SUPT3H: variants seen among roughly 807,000 people sequenced by gnomAD.
SUPT3H encodes transcription initiation protein SPT3 homolog.
SUPT3H carries 44 observed loss-of-function variants against 44.3 expected under a neutral mutation model. The observed-to-expected ratio is 0.99, with a 90% CI of 0.78 to 1.28. The LOEUF (loss-of-function observed/expected upper bound fraction) is 1.28, where lower values mean the gene tolerates loss of function less well. Ranked by LOEUF, SUPT3H falls within the 50% of genes most tolerant of loss-of-function variation. SUPT3H has a pLI of 0.00. For synonymous variants in SUPT3H, 124 were observed against 125.6 expected (o/e 0.99, Z 0.09); for missense variants, 380 against 387.1 (o/e 0.98, Z 0.15).
At chr6:45,331,136 C>T (rs761412694) in intron 2 of SUPT3H, among the ~76,000 whole-genome samples, 18 of 151,768 alleles carry the variant, frequency 1.2e-4, no homozygotes, top group East Asian at 5.8e-4. Context: ...TGCGCGCGCG[C>T]GCGCACATGC....
chr6:45,133,564 A>G (rs963551909), intron 2 of SUPT3H, among the ~76,000 whole-genome samples: 11 of 152,208 alleles, frequency 7.2e-5, no homozygotes, highest in Admixed American at 3.9e-4. Flanking sequence ...CTGAAAAACA[A>G]CAACAACTAT....
intron 2 of SUPT3H, among the ~76,000 whole-genome samples, chr6:45,346,688 C>T (rs545508044): frequency 3.9e-5 from 6 of 152,016 alleles, no homozygotes; most frequent in African/African-American, 1.4e-4. Context: ...TTGCCTCTGC[C>T]TGACTAGCTG....
intron 11 of SUPT3H, among the ~76,000 whole-genome samples, chr6:44,820,397 T>TTA (rs1434895665): frequency 6.6e-6 from 1 of 152,090 alleles, no homozygotes; most frequent in Non-Finnish European, 1.5e-5. Context: ...AAAAACACAG[T>TTA]TGAAGAAGTT....
chr6:45,166,288 T>C (rs1809831394), intron 2 of SUPT3H, among the ~76,000 whole-genome samples: 2 of 151,722 alleles, frequency 1.3e-5, no homozygotes, highest in Non-Finnish European at 2.9e-5. Flanking sequence ...TGAGACTCTG[T>C]CTCAAAAAGC....
intron 2 of SUPT3H, among the ~76,000 whole-genome samples, chr6:45,267,432 G>A (rs2153660157): frequency 6.6e-6 from 1 of 152,312 alleles, no homozygotes; most frequent in African/African-American, 2.4e-5. Flanking sequence ...CAAGTGCAAT[G>A]TTTTTATTGC....
chr6:45,364,577 C>T (rs1794815837), intron 2 of SUPT3H, among the ~76,000 whole-genome samples: 1 of 152,162 alleles, frequency 6.6e-6, no homozygotes, highest in African/African-American at 2.4e-5. Context: ...AATAAATATG[C>T]TACCTCTTAT....
At chr6:44,906,686 T>C (rs1433003761) in intron 10 of SUPT3H, among the ~76,000 whole-genome samples, 2 of 152,092 alleles carry the variant, frequency 1.3e-5, no homozygotes, top group Non-Finnish European at 2.9e-5. Context: ...CGCTTAAACC[T>C]GGGAGGCAGA....
chr6:45,235,850 T>C (rs1406551496), intron 2 of SUPT3H, among the ~76,000 whole-genome samples: 1 of 152,058 alleles, frequency 6.6e-6, no homozygotes, highest in Non-Finnish European at 1.5e-5. Flanking sequence ...AGGTTGTGGG[T>C]TTACTGGAAT....
At chr6:45,185,245 T>C (rs1183722983) in intron 2 of SUPT3H, among the ~76,000 whole-genome samples, 1 of 152,152 alleles carries the variant, frequency 6.6e-6, no homozygotes, top group African/African-American at 2.4e-5. Flanking sequence ...ATCGCCACTA[T>C]GTCTGTTGTT....
At chr6:45,170,793 T>C (rs1020695322) in intron 2 of SUPT3H, among the ~76,000 whole-genome samples, 1 of 152,220 alleles carries the variant, frequency 6.6e-6, no homozygotes, top group Admixed American at 6.5e-5. Context: ...ACAGCTGTCA[T>C]TTCTAACTAT....
chr6:45,251,610 T>C (rs1772385778), intron 2 of SUPT3H, among the ~76,000 whole-genome samples: 1 of 152,000 alleles, frequency 6.6e-6, no homozygotes, highest in African/African-American at 2.4e-5. Flanking sequence ...AATGAAAAGA[T>C]AGGTATAACA....
chr6:45,250,203 G>C (rs911357942), intron 2 of SUPT3H, among the ~76,000 whole-genome samples: 2 of 151,714 alleles, frequency 1.3e-5, no homozygotes, highest in African/African-American at 4.8e-5. Flanking sequence ...AAAACAAAAA[G>C]GATAAAAAGG....
intron 1 of SUPT3H, among the ~76,000 whole-genome samples, chr6:45,373,625 A>G (rs1340755702): frequency 6.6e-6 from 1 of 152,064 alleles, no homozygotes; most frequent in Non-Finnish European, 1.5e-5. Context: ...ATCTCGGCTC[A>G]CTGCAACCTC....
intron 10 of SUPT3H, among the ~76,000 whole-genome samples, chr6:44,847,852 A>G (rs1772143089): frequency 6.6e-6 from 1 of 151,754 alleles, no homozygotes; most frequent in Non-Finnish European, 1.5e-5. Flanking sequence ...TGAGATGTCA[A>G]CCTAAGCTAC....
At chr6:44,998,605 T>G (rs1004501758) in intron 6 of SUPT3H, among the ~76,000 whole-genome samples, 5 of 151,954 alleles carry the variant, frequency 3.3e-5, no homozygotes, top group African/African-American at 1.2e-4. Context: ...AGAATTAAAT[T>G]TTTTAGTGGC....
At chr6:44,844,546 C>T (rs1771552608) in intron 10 of SUPT3H, among the ~76,000 whole-genome samples, 3 of 152,102 alleles carry the variant, frequency 2.0e-5, no homozygotes, top group Admixed American at 2.0e-4. Context: ...AGGGAACACT[C>T]TTCAGCAATA....
intron 2 of SUPT3H, among the ~76,000 whole-genome samples, chr6:45,364,922 A>G (rs1794869482): frequency 6.6e-6 from 1 of 152,218 alleles, no homozygotes. Flanking sequence ...ACACAGACTC[A>G]GGCAAATAAT....
intron 10 of SUPT3H, among the ~76,000 whole-genome samples, chr6:44,909,432 T>C (rs1766665649): frequency 6.6e-6 from 1 of 152,166 alleles, no homozygotes; most frequent in East Asian, 1.9e-4. Context: ...ACCTATTTAG[T>C]CCTTTCCCCA....
chr6:45,331,723 C>G (rs1787556092), intron 2 of SUPT3H, among the ~76,000 whole-genome samples: 1 of 151,892 alleles, frequency 6.6e-6, no homozygotes, highest in African/African-American at 2.4e-5. Context: ...TCTGGCTGGT[C>G]TGTCTGACTC....
Sources: gnomAD v4.1 joint callset for allele counts (sites outside exome capture counted in the v4.1 genomes callset) on GRCh38, gnomAD v4.1.1 for gene constraint, MANE v1.5 for transcripts, NCBI Gene and HGNC (gene_info 2026-07-23, HGNC 2026-07-21) for gene names.